INPP5D: variants seen among roughly 807,000 people sequenced by gnomAD.
INPP5D encodes inositol polyphosphate-5-phosphatase D.
In INPP5D, 33 loss-of-function variants were observed where a neutral mutation model predicts 122.9. The observed-to-expected ratio is 0.27, with a 90% CI of 0.20 to 0.36. The LOEUF (loss-of-function observed/expected upper bound fraction) is 0.36. INPP5D is among the 10% of genes least tolerant of loss of function. INPP5D has a pLI of 1.00. For synonymous variants in INPP5D, 584 were observed against 576.2 expected (o/e 1.01, Z -0.19); for missense variants, 1,053 against 1,412.7 (o/e 0.75, Z 4.08).
chr2:233,199,612 G>A (rs1198715997), intron 25 of INPP5D, among the ~76,000 whole-genome samples: 3 of 151,576 alleles, frequency 2.0e-5, no homozygotes, highest in Non-Finnish European at 4.4e-5. Context: ...GACAGATCTC[G>A]AGGTCAGGAG....
intron 10 of INPP5D, among the ~76,000 whole-genome samples, chr2:233,159,535 G>GGAAA (rs530201177): frequency 1.4e-5 from 2 of 143,890 alleles, no homozygotes; most frequent in Non-Finnish European, 3.1e-5. Context: ...TCATCTCTAC[G>GGAAA]AAAAAAAAAA....
At chr2:233,098,502 C>T (rs6437096) in intron 2 of INPP5D, among the ~76,000 whole-genome samples, 106,337 of 152,058 alleles carry the variant, frequency 0.7, 37,409 homozygotes, top group Middle Eastern at 0.8. Context: ...TCTTCTTTAA[C>T]GTGTTCCTTG....
intron 2 of INPP5D, among the ~76,000 whole-genome samples, chr2:233,091,408 G>A (rs950482246): frequency 6.6e-6 from 1 of 152,156 alleles, no homozygotes; most frequent in South Asian, 2.1e-4. Context: ...AGCTCTCACT[G>A]GGCTCAGGTC....
At chr2:233,191,348 C>T (rs1305641417) in intron 22 of INPP5D, among the ~76,000 whole-genome samples, 1 of 152,208 alleles carries the variant, frequency 6.6e-6, no homozygotes, top group East Asian at 1.9e-4. Context: ...ATTCAATTAT[C>T]TCCACCTGGT....
chr2:233,086,108 G>T (rs992698187), intron 2 of INPP5D, among the ~76,000 whole-genome samples: 1 of 137,210 alleles, frequency 7.3e-6, no homozygotes, highest in Non-Finnish European at 1.6e-5. Flanking sequence ...CAGACATAGG[G>T]ATAAGATAGC....
intron 2 of INPP5D, among the ~76,000 whole-genome samples, chr2:233,083,547 C>T (rs1248989334): frequency 6.6e-6 from 1 of 152,122 alleles, no homozygotes; most frequent in South Asian, 2.1e-4. Flanking sequence ...CCTGACTGTC[C>T]CACACCAAGA....
chr2:233,146,252 G>A lies in INPP5D; in HGVS notation c.834+10G>A. The A allele has an allele frequency of 1.4e-6, 1 of 704,278 alleles. No individual in the cohort carries two copies. Among genetic ancestry groups the A allele is most frequent in the Non-Finnish European group, 2.6e-6 (1 of 385,010 alleles). 43.6% of individuals were successfully genotyped at this position (704,278 alleles called of 1,614,324 possible). On this transcript the variant is annotated intron_variant, in intron 7 of 26. Coordinates refer to ENST00000445964, the MANE Select transcript of INPP5D (RefSeq NM_001017915.3). ...GTCCATTGAAGACAAGGTACGTGTG[G>A]GGCTCCTGCGGCTTCTCTTGGTCTC...
At chr2:233,118,375 C>T (rs1440947199) in intron 2 of INPP5D, among the ~76,000 whole-genome samples, 1 of 152,222 alleles carries the variant, frequency 6.6e-6, no homozygotes, top group Non-Finnish European at 1.5e-5. Flanking sequence ...CCATGCTCCT[C>T]ACCACCCACC....
intron 1 of INPP5D, among the ~76,000 whole-genome samples, chr2:233,068,860 A>T (rs2106199340): frequency 6.6e-6 from 1 of 152,268 alleles, no homozygotes; most frequent in Middle Eastern, 3.4e-3. Context: ...GCTGCTGGGG[A>T]CAGGGCTGGG....
chr2:233,193,135 C>T (rs559305208), intron 22 of INPP5D, among the ~76,000 whole-genome samples: 16 of 152,290 alleles, frequency 1.1e-4, no homozygotes, highest in African/African-American at 2.2e-4. Flanking sequence ...GTGATCAGCC[C>T]GCCTCGGCCT....
chr2:233,195,933 T>C (rs34587266), intron 24 of INPP5D, among the ~76,000 whole-genome samples: 14,726 of 152,218 alleles, frequency 0.097, 722 homozygotes, highest in South Asian at 0.14. Flanking sequence ...ATTTCACCAC[T>C]GTACTCCAGC....
chr2:233,079,497 C>A, intron 2 of INPP5D, 99 bp downstream of exon 2: 1 of 819,422 alleles, frequency 1.2e-6, no homozygotes, highest in Non-Finnish European at 2.1e-6. Flanking sequence ...GCGCAGGTAG[C>A]CGGACGTGAA....
At chr2:233,122,976 T>G (rs1693036335) in intron 3 of INPP5D, among the ~76,000 whole-genome samples, 1 of 152,186 alleles carries the variant, frequency 6.6e-6, no homozygotes, top group Non-Finnish European at 1.5e-5. Context: ...CTGGTACATA[T>G]TCATAGTAAG....
rs888871138 is a variant in INPP5D, at chr2:233,197,469, AC to A, written c.2694-619del. Among the ~76,000 whole-genome samples the A allele has an allele frequency of 8.6e-5, 13 of 150,420 alleles. No individual in the cohort carries two copies. Among genetic ancestry groups the A allele is most frequent in the African/African-American group, 1.2e-4 (5 of 40,800 alleles). Reference sequence around the variant, plus strand: ...TCCCCTCCTTCCTGCCACCCAGGCTACCCCCCCACCATCTCTCTGCCCTGCC... The same window carrying A: ...TCCCCTCCTTCCTGCCACCCAGGCTACCCCCCACCATCTCTCTGCCCTGCC... On this transcript the variant is annotated intron_variant, in intron 24 of 26. Transcript: ENST00000445964. This position sits in a 1 kb window ranked among gnomAD's most constrained non-coding sequence, Gnocchi z 4.4.
intron 18 of INPP5D, among the ~76,000 whole-genome samples, chr2:233,181,999 G>A (rs2106313368): frequency 6.6e-6 from 1 of 152,322 alleles, no homozygotes; most frequent in Non-Finnish European, 1.5e-5. Flanking sequence ...GGGTGGCTGA[G>A]GCATGAGAAT....
At chr2:233,165,126 TGTGA>T (rs1039418937) in intron 13 of INPP5D, among the ~76,000 whole-genome samples, 2 of 151,958 alleles carry the variant, frequency 1.3e-5, no homozygotes, top group African/African-American at 2.4e-5. Flanking sequence ...TGTGAGTTTG[TGTGA>T]GTGACAGCGT....
chr2:233,120,309 C>G (rs556472427), intron 2 of INPP5D, among the ~76,000 whole-genome samples: 1 of 152,088 alleles, frequency 6.6e-6, no homozygotes, highest in African/African-American at 2.4e-5. Context: ...CATGGTGAAA[C>G]CCCGTCTCTA....
rs372931060 is a variant in INPP5D, at chr2:233,193,985, C to T, written c.2596+24C>T. 2.0e-5 allele frequency: 32 copies of T among 1,564,242 alleles called. No individual in the cohort carries two copies. The East Asian group carries it at 4.8e-4, about 23-fold the overall frequency. On this transcript the variant is annotated intron_variant, in intron 23 of 26. Coordinates refer to ENST00000445964, the MANE Select transcript of INPP5D (RefSeq NM_001017915.3). ...TGGTAAGCAGCAAGCCCCTCCCCAG[C>T]GCCCTCTTCAGCCCCCCACTTAGGG...
chr2:233,184,752 C>G (rs1040437969), intron 20 of INPP5D, among the ~76,000 whole-genome samples: 1 of 152,176 alleles, frequency 6.6e-6, no homozygotes, highest in Non-Finnish European at 1.5e-5. Flanking sequence ...ATGTACTGAC[C>G]CCCCAGTCCC....
Sources: allele counts gnomAD v4.1 joint callset (sites outside exome capture counted in the v4.1 genomes callset), GRCh38; gene constraint gnomAD v4.1.1; non-coding constraint Gnocchi (gnomAD v3.1); transcripts MANE v1.5; gene names NCBI Gene and HGNC (gene_info 2026-07-23, HGNC 2026-07-21).